Variants in MYO3A observed in about 807,000 individuals in gnomAD.
The protein encoded by MYO3A is myosin-IIIa.
In MYO3A, 180 loss-of-function variants were observed where a neutral mutation model predicts 192.7. That is an observed-to-expected ratio of 0.93 (90% CI 0.83 to 1.06). The LOEUF (loss-of-function observed/expected upper bound fraction) is 1.06. Ranked by LOEUF, MYO3A falls within the 50% of genes least tolerant of loss-of-function variation. MYO3A has a pLI of 0.00. For synonymous variants in MYO3A, 628 were observed against 645.3 expected, an observed-to-expected ratio of 0.97 and a Z score of 0.41; for missense variants, 1,896 against 1,905.0, an observed-to-expected ratio of 1.00 and a Z score of 0.09.
chr10:26,125,914 G>T (rs1167973898), intron 19 of MYO3A, among the ~76,000 whole-genome samples: 1 of 152,008 alleles, frequency 6.6e-6, no homozygotes, highest in Non-Finnish European at 1.5e-5. Flanking sequence ...ATTAGAAGTT[G>T]TACCATGAAG....
chr10:26,145,679 G>T, intron 22 of MYO3A, 145 bp downstream of exon 22: 3 of 741,414 alleles, frequency 4.0e-6, no homozygotes, highest in Non-Finnish European at 2.4e-6. Flanking sequence ...CCCTAATTAT[G>T]CCCTCTGATG....
chr10:26,154,693 A>G (rs1307634811), intron 24 of MYO3A, 53 bp from the exon 25 acceptor site: 2 of 1,521,958 alleles, frequency 1.3e-6, no homozygotes, highest in African/African-American at 2.7e-5. Flanking sequence ...CTGTCTGTAG[A>G]TAATAAAGTA....
chr10:26,045,459 T>C (rs570879699), intron 10 of MYO3A, among the ~76,000 whole-genome samples: 2 of 152,296 alleles, frequency 1.3e-5, no homozygotes, highest in African/African-American at 4.8e-5. Flanking sequence ...CATAACACAG[T>C]TCCTGGTCCA....
At position 26,138,310 on chromosome 10, in the gene MYO3A, G is replaced by A. The variant is rs533142778; in HGVS notation, c.2263-5138G>A. Reference sequence around the variant, plus strand: ...CTTATGGAAAATAGAAAGAACCTACGTTGAAATATTGGGGGCAGGTTCCCC... The same window carrying A: ...CTTATGGAAAATAGAAAGAACCTACATTGAAATATTGGGGGCAGGTTCCCC... On this transcript the variant is annotated intron_variant, in intron 20 of 34. Transcript: ENST00000642920. Among the ~76,000 whole-genome samples, 48 of 152,272 alleles carry A rather than the reference G, an allele frequency of 3.2e-4. 1 individual carries two copies. In the South Asian group the frequency reaches 8.9e-3, roughly 28 times the overall value.
At chr10:26,205,480 G>A (rs1326902841) in intron 34 of MYO3A, among the ~76,000 whole-genome samples, 1 of 100,512 alleles carries the variant, frequency 9.9e-6, no homozygotes, top group South Asian at 3.0e-4. Context: ...TTTTTTTTTT[G>A]GGGGGGGGCT....
intron 17 of MYO3A, among the ~76,000 whole-genome samples, chr10:26,105,942 C>T (rs1349248490): frequency 6.6e-6 from 1 of 152,038 alleles, no homozygotes. Flanking sequence ...CCTTATATGA[C>T]ATATAATCTA....
intron 4 of MYO3A, among the ~76,000 whole-genome samples, chr10:25,988,533 CAG>C (rs1197635246): frequency 1.3e-5 from 2 of 152,124 alleles, no homozygotes; most frequent in African/African-American, 4.8e-5. Flanking sequence ...CTGGCTGATG[CAG>C]AGACAGTTAA....
chr10:26,046,917 A>G (rs921475147), intron 10 of MYO3A, among the ~76,000 whole-genome samples: 6 of 152,224 alleles, frequency 3.9e-5, no homozygotes, highest in Non-Finnish European at 8.8e-5. Context: ...TGCTCAATAC[A>G]GATAGGAACA....
At chr10:26,079,670 C>A (rs772150713) in intron 14 of MYO3A, among the ~76,000 whole-genome samples, 1 of 152,140 alleles carries the variant, frequency 6.6e-6, no homozygotes, top group African/African-American at 2.4e-5. Context: ...GGATTCATTT[C>A]AAGATTTAGA....
At position 26,142,747 on chromosome 10, in the gene MYO3A, AC is replaced by A. The variant is rs1409377094; in HGVS notation, c.2263-700del. ...TATAACTCTCTGCTGTCTTGTAACT[AC>A]GTAAATGTCTGGAATTGTGATTGAA... On this transcript the variant is annotated intron_variant, in intron 20 of 34. Coordinates refer to ENST00000642920, the MANE Select transcript of MYO3A (RefSeq NM_017433.5). Among the ~76,000 whole-genome samples, 6 of 152,170 alleles carry A rather than the reference AC, an allele frequency of 3.9e-5. No individual in the cohort carries two copies. In the East Asian group the frequency reaches 1.2e-3, roughly 29 times the overall value.
At position 26,110,094 on chromosome 10, in the gene MYO3A, C is replaced by T. The variant is rs116200386; in HGVS notation, c.1777-10582C>T. On this transcript the variant is annotated intron_variant, in intron 17 of 34. Coordinates refer to ENST00000642920, the MANE Select transcript of MYO3A (RefSeq NM_017433.5). ...GGAAGACACTTTACTCGCAAAAAGT[C>T]GTGAGCTGAAGTTAAATGACTTTTT... is the stretch of plus-strand genomic sequence containing the variant. Among the ~76,000 whole-genome samples, 305 of 152,268 alleles carry T rather than the reference C, an allele frequency of 2.0e-3. 1 individual carries two copies. The highest frequency in any genetic ancestry group is 7.1e-3 in the African/African-American group (296 of 41,552).
chr10:26,070,178 T>C lies in MYO3A; in HGVS notation c.1238T>C (p.Leu413Ser), dbSNP rs756277979. Reference sequence around the variant, plus strand: ...CCTCACATTTTTGCAATGGCTGACTTAGGATATCAATCTATGATAACATAT... The same window carrying C: ...CCTCACATTTTTGCAATGGCTGACTCAGGATATCAATCTATGATAACATAT... ...SPPHIFAMAD[L>S]GYQSMITYNS... Residue 413 changes from leucine (L) to serine (S), a missense_variant, in exon 13 of 35, where the codon TTA becomes TCA. Transcript: ENST00000642920. 5 of 1,611,974 alleles carry C rather than the reference T, an allele frequency of 3.1e-6. No individual in the cohort carries two copies. The highest frequency in any genetic ancestry group is 3.4e-6 in the Non-Finnish European group (4 of 1,178,304).
chr10:26,192,970 T>G (rs1843222795), intron 31 of MYO3A, among the ~76,000 whole-genome samples: 1 of 152,114 alleles, frequency 6.6e-6, no homozygotes, highest in Admixed American at 6.6e-5. Context: ...GGTTTTCTTT[T>G]TCTTCCTCTT....
At chr10:26,017,408 T>A (rs1350726554) in intron 7 of MYO3A, among the ~76,000 whole-genome samples, 1 of 152,008 alleles carries the variant, frequency 6.6e-6, no homozygotes, top group Admixed American at 6.6e-5. Flanking sequence ...AGGGAAAAAG[T>A]TTTCAAGAGT....
intron 2 of MYO3A, among the ~76,000 whole-genome samples, chr10:25,946,281 G>A (rs866488921): frequency 2.2e-4 from 34 of 152,200 alleles, no homozygotes; most frequent in African/African-American, 7.2e-4. Context: ...AGATGGAGTG[G>A]TAATGAACTC....
chr10:26,203,292 C>T (rs559981572), intron 34 of MYO3A, among the ~76,000 whole-genome samples, 185 bp downstream of exon 34: 8 of 152,234 alleles, frequency 5.3e-5, no homozygotes, highest in Admixed American at 5.2e-4. Flanking sequence ...TCAGATACCT[C>T]AGTTTTCCTA....
At chr10:26,159,439 A>C (rs1841366806) in intron 26 of MYO3A, among the ~76,000 whole-genome samples, 2 of 147,958 alleles carry the variant, frequency 1.4e-5, no homozygotes, top group African/African-American at 5.0e-5. Context: ...GGCTCACTGC[A>C]AGCTCCGCTT....
chr10:26,026,747 G>T (rs1433258755), intron 10 of MYO3A, among the ~76,000 whole-genome samples: 1 of 152,172 alleles, frequency 6.6e-6, no homozygotes, highest in Non-Finnish European at 1.5e-5. Context: ...TGTTGCCCAG[G>T]CTGGAGTGCA....
chr10:26,046,601 C>T (rs2131258773), intron 10 of MYO3A, among the ~76,000 whole-genome samples: 2 of 152,242 alleles, frequency 1.3e-5, no homozygotes, highest in Middle Eastern at 6.8e-3. Context: ...TGCTTTACAA[C>T]CCAAAATAGA....
Sources: gnomAD v4.1 joint callset for allele counts (sites outside exome capture counted in the v4.1 genomes callset) on GRCh38, gnomAD v4.1.1 for gene constraint, MANE v1.5 for transcripts, NCBI Gene and HGNC (gene_info 2026-07-23, HGNC 2026-07-21) for gene names.